LARP4: variants seen among roughly 807,000 people sequenced by gnomAD.
LARP4 encodes la-related protein 4.
Under a neutral mutation model 92.9 loss-of-function variants are expected in LARP4, and 29 were observed. The observed-to-expected ratio is 0.31, with a 90% CI of 0.23 to 0.43. The LOEUF is 0.43. Among genes scored for constraint, LARP4 ranks in the 20% least tolerant of loss-of-function variants. LARP4 has a pLI of 1.00. For missense variants in LARP4, 732 were observed against 860.0 expected (o/e 0.85, Z 1.86); for synonymous variants, 279 against 284.1 (o/e 0.98, Z 0.18).
Position 50,437,726 on chromosome 12 carries a change from A to T in LARP4, c.536-9A>T, listed in dbSNP as rs777635737. Reference sequence around the variant, plus strand: ...ACGTTTGAGTGATACCCTTTCTTTTAAATTTCAGCTTCTCCCATGGTACAA... The same window carrying T: ...ACGTTTGAGTGATACCCTTTCTTTTTAATTTCAGCTTCTCCCATGGTACAA... On this transcript the variant is annotated splice_polypyrimidine_tract_variant and intron_variant, in intron 5 of 15. Transcript: ENST00000398473. 6.5e-6 allele frequency: 10 copies of T among 1,543,152 alleles called. No homozygotes were observed. In the African/African-American group the frequency reaches 1.2e-4, roughly 19 times the overall value.
intron 1 of LARP4, among the ~76,000 whole-genome samples, chr12:50,413,486 T>A (rs1470749504): frequency 6.6e-6 from 1 of 152,188 alleles, no homozygotes; most frequent in Non-Finnish European, 1.5e-5. Flanking sequence ...CAAAACTTTT[T>A]AAAGATAATT....
At chr12:50,435,763 TTTG>T in intron 5 of LARP4, 139 bp downstream of exon 5, 1 of 654,522 alleles carries the variant, frequency 1.5e-6, no homozygotes, top group Non-Finnish European at 2.5e-6. Context: ...ATTCTCTCTC[TTTG>T]TTTTTTTTTT....
In LARP4 at chr12:50,454,545, C is replaced by T. The variant is rs945298593; in HGVS notation, c.1121+128C>T. 22 of 688,822 alleles carry T rather than the reference C, an allele frequency of 3.2e-5. No homozygotes were observed. The Admixed American group carries it at 6.7e-4, about 21-fold the overall frequency. The allele number at this position is 688,822 out of a possible 1,614,324, so 42.7% of individuals were successfully genotyped here. On this transcript the variant is annotated intron_variant, in intron 10 of 15. Transcript: ENST00000398473. ...GGATTTTTTGTTTGTTTTGTTTTTACTAAGTGTATATGAACAGTTTAATCT... is the reference window on the plus strand; with the variant it reads ...GGATTTTTTGTTTGTTTTGTTTTTATTAAGTGTATATGAACAGTTTAATCT...
At chr12:50,473,740 C>T (rs1957196409) in intron 14 of LARP4, among the ~76,000 whole-genome samples, 1 of 144,558 alleles carries the variant, frequency 6.9e-6, no homozygotes, top group South Asian at 2.3e-4. Context: ...TTGGCAGGTG[C>T]CTGTAATCCC....
chr12:50,411,389 G>C (rs750245556), intron 1 of LARP4, among the ~76,000 whole-genome samples: 10 of 151,814 alleles, frequency 6.6e-5, no homozygotes, highest in Non-Finnish European at 1.5e-4. Flanking sequence ...TTGCTCTGTT[G>C]CCTAGGCTGG....
In LARP4 at chr12:50,462,585, A is replaced by T; in HGVS notation, c.1338A>T (p.Arg446Ser). Reference sequence around the variant, plus strand: ...CCCACCTTTTTCTTATTAAAAGGAGAACTCTCTTCAGAGGTCGAAGACGAC... The same window carrying T: ...CCCACCTTTTTCTTATTAAAAGGAGTACTCTCTTCAGAGGTCGAAGACGAC... ...EQNGDYGRGR[R>S]TLFRGRRRRE... Residue 446 changes from arginine to serine, a missense_variant, in exon 12 of 16, where the codon AGA (arginine) becomes AGT (serine). By Grantham distance (110) the Arg-to-Ser change is moderately radical. Around this residue, in one of 7 missense-constraint regions of LARP4, gnomAD observed 264 missense variants for 269.5 expected, o/e 0.98. Coordinates refer to ENST00000398473, the MANE Select transcript of LARP4 (RefSeq NM_052879.5). The T allele has an allele frequency of 7.5e-7, 1 of 1,324,828 alleles. No individual in the cohort carries two copies. Among genetic ancestry groups the T allele is most frequent in the Admixed American group, 2.1e-5 (1 of 46,602 alleles). 82.1% of individuals were successfully genotyped at this position (1,324,828 alleles called of 1,614,324 possible). A position where few individuals can be genotyped will look rare whatever the true frequency, so the allele number is the denominator to read the frequency against.
At chr12:50,405,994 TTGTC>T (rs542038003) in intron 1 of LARP4, among the ~76,000 whole-genome samples, 6 of 152,196 alleles carry the variant, frequency 3.9e-5, no homozygotes, top group Admixed American at 3.3e-4. Context: ...AGTCTCTACA[TTGTC>T]AGTACAGATG....
chr12:50,406,411 A>G (rs754000625), intron 1 of LARP4, among the ~76,000 whole-genome samples: 2 of 151,758 alleles, frequency 1.3e-5, no homozygotes, highest in African/African-American at 2.4e-5. Context: ...GAGCCAGGAG[A>G]TCGAGGCTGC....
At chr12:50,429,517 A>G (rs907893086) in intron 3 of LARP4, among the ~76,000 whole-genome samples, 4 of 152,056 alleles carry the variant, frequency 2.6e-5, no homozygotes, top group African/African-American at 4.8e-5. Flanking sequence ...CTGCACTCCA[A>G]CCTGGGTGAC....
At chr12:50,455,816 G>T (rs1406189519) in intron 10 of LARP4, among the ~76,000 whole-genome samples, 2 of 152,124 alleles carry the variant, frequency 1.3e-5, no homozygotes, top group African/African-American at 4.8e-5. Flanking sequence ...ACAGGCTGAG[G>T]TGGGTGGATC....
intron 1 of LARP4, among the ~76,000 whole-genome samples, chr12:50,426,723 GTGTGTGT>G (rs1433948552): frequency 4.1e-5 from 5 of 121,444 alleles, no homozygotes; most frequent in African/African-American, 8.0e-5. Context: ...GTGTGTGTGT[GTGTGTGT>G]GGTTTTTTTT....
At chr12:50,475,427 G>T in intron 15 of LARP4, 99 bp from the exon 16 acceptor site, 4 of 991,408 alleles carry the variant, frequency 4.0e-6, no homozygotes, top group Non-Finnish European at 4.5e-6. Context: ...TTTTCTGGAA[G>T]ATAATCTGTG....
intron 1 of LARP4, among the ~76,000 whole-genome samples, chr12:50,426,759 G>A (rs1290114501): frequency 5.1e-5 from 4 of 78,580 alleles, no homozygotes; most frequent in Non-Finnish European, 7.7e-5. Flanking sequence ...TTTCTTTTTT[G>A]AGACCGAGTC....
At chr12:50,431,896 T>C (rs908239362) in intron 4 of LARP4, among the ~76,000 whole-genome samples, 9 of 152,124 alleles carry the variant, frequency 5.9e-5, no homozygotes, top group African/African-American at 2.2e-4. Context: ...GCCTGTACTT[T>C]GGGAGGCCAA....
chr12:50,461,071 T>C, intron 10 of LARP4, 64 bp from the exon 11 acceptor site: 1 of 1,391,406 alleles, frequency 7.2e-7, no homozygotes, highest in Non-Finnish European at 1.0e-6. Flanking sequence ...ATTTTTTACC[T>C]AAGGAAAGAT....
In LARP4 at chr12:50,440,553, A is replaced by G; in HGVS notation, c.750+4A>G. Reference sequence around the variant, plus strand: ...GTCAGACACAGATGCACAACAGGTAAGAAGAAAACATTTTCTGATACAAGT... The same window carrying G: ...GTCAGACACAGATGCACAACAGGTAGGAAGAAAACATTTTCTGATACAAGT... On this transcript the variant is annotated splice_donor_region_variant and intron_variant, in intron 7 of 15. Transcript: ENST00000398473. The G allele has an allele frequency of 6.3e-7, 1 of 1,587,182 alleles. No homozygotes were observed.
chr12:50,446,956 G>T (rs1952310021), intron 8 of LARP4, among the ~76,000 whole-genome samples: 2 of 152,150 alleles, frequency 1.3e-5, no homozygotes, highest in African/African-American at 4.8e-5. Context: ...GCCTATGGCT[G>T]TAAGGATCAT....
chr12:50,474,933 C>T lies in LARP4; in HGVS notation c.1837-593C>T, dbSNP rs78979902. On this transcript the variant is annotated intron_variant, in intron 15 of 15. Coordinates refer to ENST00000398473, the MANE Select transcript of LARP4 (RefSeq NM_052879.5). ...ACCTATAATCCCTAGCATTTTAGTACAGCACTTTTAAAAATAGATTTAGAA... is the reference window on the plus strand; with the variant it reads ...ACCTATAATCCCTAGCATTTTAGTATAGCACTTTTAAAAATAGATTTAGAA... Among the ~76,000 whole-genome samples, 1,025 of 152,250 alleles carry T rather than the reference C, an allele frequency of 6.7e-3. 24 individuals are homozygous for T. The highest frequency in any genetic ancestry group is 0.048 in the East Asian group (248 of 5,188).
At chr12:50,407,689 A>G (rs1345598031) in intron 1 of LARP4, among the ~76,000 whole-genome samples, 1 of 152,086 alleles carries the variant, frequency 6.6e-6, no homozygotes, top group Admixed American at 6.6e-5. Context: ...TACTAAAAAT[A>G]AAAATATTAT....
Sources: gnomAD v4.1 joint callset for allele counts (sites outside exome capture counted in the v4.1 genomes callset) on GRCh38, gnomAD v4.1.1 for gene constraint, gnomAD v4.1.1 regional missense constraint, MANE v1.5 for transcripts, NCBI Gene and HGNC (gene_info 2026-07-23, HGNC 2026-07-21) for gene names.